MYO10: variants seen among roughly 807,000 people sequenced by gnomAD.
MYO10 encodes the protein unconventional myosin-X.
MYO10 carries 133 observed loss-of-function variants against 257.3 expected under a neutral mutation model. That is an observed-to-expected ratio of 0.52 (90% CI 0.45 to 0.60). The LOEUF (loss-of-function observed/expected upper bound fraction) is 0.60, where lower values mean the gene tolerates loss of function less well. MYO10 is among the 20% of genes least tolerant of loss of function. MYO10 has a pLI of 0.00. For synonymous variants in MYO10, 1,104 were observed against 1,028.6 expected, an observed-to-expected ratio of 1.07 and a Z score of -1.40; for missense variants, 2,399 against 2,635.7, an observed-to-expected ratio of 0.91 and a Z score of 1.97.
Position 16,800,286 on chromosome 5 carries a change from G to A in MYO10, c.280-5453C>T, listed in dbSNP as rs116240232. Among the ~76,000 whole-genome samples the A allele has an allele frequency of 5.8e-3, 883 of 152,152 alleles. 2 individuals carry two copies. Among genetic ancestry groups the A allele is most frequent in the African/African-American group, 0.02 (831 of 41,486 alleles). On this transcript the variant is annotated intron_variant, in intron 3 of 40. Transcript: ENST00000513610. ...TAAATTTAAAATCCCGGCCAGCTAC[G>A]GTGGGTCATGACTATAATCCCAGCA...
chr5:16,792,132 C>CAGAGAGAGAG (rs1553996647), intron 4 of MYO10, among the ~76,000 whole-genome samples: 1 of 75,290 alleles, frequency 1.3e-5, no homozygotes, highest in Non-Finnish European at 3.6e-5. Flanking sequence ...CACACACACA[C>CAGAGAGAGAG]AGAGAGAGAG....
chr5:16,741,544 G>A (rs771473762), intron 19 of MYO10, among the ~76,000 whole-genome samples: 30 of 152,156 alleles, frequency 2.0e-4, no homozygotes, highest in Non-Finnish European at 2.2e-4. Context: ...TATAAAAGGT[G>A]AATTCCATAT....
intron 2 of MYO10, among the ~76,000 whole-genome samples, chr5:16,834,124 T>C (rs933137949): frequency 1.3e-5 from 2 of 152,244 alleles, no homozygotes. Flanking sequence ...TGTCTTTCCT[T>C]CCTTGGCTCA....
Position 16,794,907 on chromosome 5 carries a change from C to T in MYO10, c.280-74G>A, listed in dbSNP as rs574331168. 2.0e-5 allele frequency: 24 copies of T among 1,184,212 alleles called. No individual in the cohort carries two copies. The African/African-American group carries it at 3.5e-4, about 17-fold the overall frequency. The allele number at this position is 1,184,212 out of a possible 1,614,324, so 73.4% of individuals were successfully genotyped here. Reference sequence around the variant, plus strand: ...CTGGATGAGCTCCAACAAAACCCACCGAGTGTGCGCCAGGGGGAAAGACGT... The same window carrying T: ...CTGGATGAGCTCCAACAAAACCCACTGAGTGTGCGCCAGGGGGAAAGACGT... On this transcript the variant is annotated intron_variant, in intron 3 of 40. Transcript: ENST00000513610.
In MYO10 at chr5:16,766,165, T is replaced by G. The variant is rs1740856603; in HGVS notation, c.1094A>C (p.Asp365Ala). 6.2e-7 allele frequency: 1 copy of G among 1,613,632 alleles called. No individual in the cohort carries two copies. The highest frequency in any genetic ancestry group is 1.3e-5 in the African/African-American group (1 of 74,856). Residue 365 changes from aspartate (D) to alanine (A), a missense_variant, in exon 11 of 41, where the codon GAC becomes GCC. By Grantham distance (126) the Asp-to-Ala change is moderately radical (BLOSUM62 -2). Transcript: ENST00000513610. ...CAAAGCATCTGTGAGCTGTGTTGGGTCCAGCCCAAGTAACTCCGCAGATCT... is the reference window on the plus strand; with the variant it reads ...CAAAGCATCTGTGAGCTGTGTTGGGGCCAGCCCAAGTAACTCCGCAGATCT... Reference protein sequence around the residue: ...LGRSAELLGLDPTQLTDALTQ... With the variant: ...LGRSAELLGLAPTQLTDALTQ...
intron 19 of MYO10, among the ~76,000 whole-genome samples, chr5:16,721,353 C>T (rs1262930570): frequency 2.0e-5 from 3 of 152,100 alleles, no homozygotes. Flanking sequence ...TCAAAAGCAT[C>T]GTAACTAAAG....
In MYO10 at chr5:16,700,976, C is replaced by G; in HGVS notation, c.3419G>C (p.Gly1140Ala). 1 of 1,555,254 alleles carries G rather than the reference C, an allele frequency of 6.4e-7. No individual in the cohort carries two copies. The highest frequency in any genetic ancestry group is 2.4e-5 in the East Asian group (1 of 41,264). Residue 1140 changes from glycine (G) to alanine (A), a missense_variant, in exon 25 of 41, where the codon GGG becomes GCG. Around this residue, in one of 3 missense-constraint regions of MYO10, gnomAD observed 1,820 missense variants for 1,939.4 expected, o/e 0.94. Transcript: ENST00000513610. ...GCAGGTACTTACCGAGGACTGCGCCCCCTCAGAGCTGAACCGGTAGGCACC... is the reference window on the plus strand; with the variant it reads ...GCAGGTACTTACCGAGGACTGCGCCGCCTCAGAGCTGAACCGGTAGGCACC... The part of the protein sequence containing the change: ...SSGAYRFSSE[G>A]AQSSFEDSEE...
intron 1 of MYO10, among the ~76,000 whole-genome samples, chr5:16,920,129 C>T (rs1430164998): frequency 1.3e-5 from 2 of 151,518 alleles, no homozygotes; most frequent in African/African-American, 2.4e-5. Flanking sequence ...AAAAAATTAG[C>T]TGGGCTTGGT....
rs765928284 is a variant in MYO10 at position 16,783,316 on chromosome 5, C to G, written c.602+19G>C. 2 of 1,539,064 alleles carry G rather than the reference C, an allele frequency of 1.3e-6. No homozygotes were observed. The highest frequency in any genetic ancestry group is 1.7e-6 in the Non-Finnish European group (2 of 1,145,734). On this transcript the variant is annotated intron_variant, in intron 5 of 40. Coordinates refer to ENST00000513610, the MANE Select transcript of MYO10 (RefSeq NM_012334.3). ...GAAAGTGAATCCTATTAGTTGGAAACAAGAAAATCAATAAATACCTGCTTT... is the reference window on the plus strand; with the variant it reads ...GAAAGTGAATCCTATTAGTTGGAAAGAAGAAAATCAATAAATACCTGCTTT...
intron 1 of MYO10, among the ~76,000 whole-genome samples, chr5:16,924,933 C>T (rs945430325): frequency 3.3e-5 from 5 of 151,462 alleles, no homozygotes; most frequent in African/African-American, 1.2e-4. Flanking sequence ...CAGGTTCACG[C>T]CATTCTCCTG....
chr5:16,740,201 C>A (rs745930005), intron 19 of MYO10, among the ~76,000 whole-genome samples: 1 of 152,050 alleles, frequency 6.6e-6, no homozygotes, highest in African/African-American at 2.4e-5. Context: ...GGAGTGACAG[C>A]TGGGAGGGAG....
chr5:16,829,339 C>T (rs1561006878), intron 2 of MYO10, among the ~76,000 whole-genome samples: 1 of 152,124 alleles, frequency 6.6e-6, no homozygotes, highest in African/African-American at 2.4e-5. Flanking sequence ...ATGGGCAACA[C>T]TAACATCAAA....
intron 3 of MYO10, among the ~76,000 whole-genome samples, chr5:16,799,398 G>A (rs1742055230): frequency 6.6e-6 from 1 of 152,136 alleles, no homozygotes; most frequent in Admixed American, 6.5e-5. Context: ...GAATGACAAT[G>A]TAGTAGCTGT....
In MYO10 at chr5:16,796,200, A is replaced by G. The variant is rs556512881; in HGVS notation, c.280-1367T>C. ...CGAGACTCTGTCAAAAAAAAAAAAA[A>G]AAAGAAAGAACAGAGAGAGAGCGAG... On this transcript the variant is annotated intron_variant, in intron 3 of 40. Coordinates refer to ENST00000513610, the MANE Select transcript of MYO10 (RefSeq NM_012334.3). Among the ~76,000 whole-genome samples the G allele has an allele frequency of 1.4e-3, 111 of 78,598 alleles. 4 individuals are homozygous for G. The highest frequency in any genetic ancestry group is 2.4e-3 in the Non-Finnish European group (78 of 32,520). The allele number at this position is 78,598 out of a possible 152,430, so 51.6% of individuals were successfully genotyped here.
intron 1 of MYO10, among the ~76,000 whole-genome samples, chr5:16,904,908 G>A (rs1359423919): frequency 2.0e-5 from 3 of 152,120 alleles, no homozygotes; most frequent in Admixed American, 6.5e-5. Context: ...CAGGCTGGGC[G>A]ACAGAGCAAG....
intron 2 of MYO10, among the ~76,000 whole-genome samples, chr5:16,868,274 A>G (rs1744343007): frequency 6.6e-6 from 1 of 152,196 alleles, no homozygotes; most frequent in African/African-American, 2.4e-5. Flanking sequence ...ACCCTTTTAC[A>G]TGAGTTGATC....
intron 18 of MYO10, 68 bp from the exon 19 acceptor site, chr5:16,754,976 G>A: frequency 1.0e-6 from 1 of 996,578 alleles, no homozygotes; most frequent in South Asian, 1.9e-5. Context: ...CAGTACTCTA[G>A]GCACTTAGAA....
chr5:16,687,952 GA>G (rs1737323835), intron 28 of MYO10, among the ~76,000 whole-genome samples: 1 of 152,120 alleles, frequency 6.6e-6, no homozygotes, highest in African/African-American at 2.4e-5. Flanking sequence ...TTCTTCTCTT[GA>G]ATCAAGTATA....
chr5:16,794,945 G>A (rs1169643302), intron 3 of MYO10, 112 bp from the exon 4 acceptor site: 6 of 811,930 alleles, frequency 7.4e-6, no homozygotes, highest in Non-Finnish European at 1.1e-5. Flanking sequence ...TCTGTCTCCC[G>A]GGTGCACACT....
Sources: allele counts gnomAD v4.1 joint callset (sites outside exome capture counted in the v4.1 genomes callset), GRCh38; gene constraint gnomAD v4.1.1; regional missense constraint gnomAD v4.1.1; transcripts MANE v1.5; gene names NCBI Gene and HGNC (gene_info 2026-07-23, HGNC 2026-07-21).